VTI1A: variants seen among roughly 807,000 people sequenced by gnomAD.
VTI1A encodes the protein vesicle transport through interaction with t-SNAREs homolog 1A.
VTI1A carries 22 observed loss-of-function variants against 34.9 expected under a neutral mutation model. That is an observed-to-expected ratio of 0.63 (90% confidence interval 0.45 to 0.90). VTI1A has a LOEUF of 0.90. VTI1A is among the 40% of genes least tolerant of loss of function. VTI1A has a pLI of 0.00. For missense variants in VTI1A, 268 were observed against 275.6 expected (o/e 0.97, Z 0.20); for synonymous variants, 87 against 97.3 (o/e 0.89, Z 0.62).
At chr10:112,605,494 C>T (rs1845044556) in intron 5 of VTI1A, among the ~76,000 whole-genome samples, 1 of 152,174 alleles carries the variant, frequency 6.6e-6, no homozygotes, top group Non-Finnish European at 1.5e-5. Flanking sequence ...GTGCTGCTTT[C>T]AATTCCATGG....
chr10:112,830,791 C>G, the VTI1A span, among the ~76,000 whole-genome samples: 1 of 135,060 alleles, frequency 7.4e-6, no homozygotes, highest in Non-Finnish European at 1.6e-5. Flanking sequence ...CATTTTCCCC[C>G]AGCTCCATGT....
At chr10:112,743,642 G>T (rs566397583) in intron 7 of VTI1A, among the ~76,000 whole-genome samples, 1 of 152,266 alleles carries the variant, frequency 6.6e-6, no homozygotes, top group African/African-American at 2.4e-5. Flanking sequence ...TGGAAGGTTG[G>T]AGTCTCCTGA....
intron 7 of VTI1A, among the ~76,000 whole-genome samples, chr10:112,810,255 T>G (rs1011500642): frequency 3.3e-5 from 5 of 151,638 alleles, no homozygotes; most frequent in Non-Finnish European, 4.4e-5. Flanking sequence ...ATACAAAAAT[T>G]AGCTGGACAT....
chr10:112,699,964 C>T (rs879854155), intron 7 of VTI1A, among the ~76,000 whole-genome samples: 27 of 151,290 alleles, frequency 1.8e-4, no homozygotes, highest in Non-Finnish European at 4.0e-4. Flanking sequence ...ATTAAAAATA[C>T]AAAAATTAGC....
chr10:112,677,068 G>A (rs1848059641), intron 7 of VTI1A, among the ~76,000 whole-genome samples: 1 of 152,152 alleles, frequency 6.6e-6, no homozygotes, highest in African/African-American at 2.4e-5. Context: ...ATTGGTTCTG[G>A]TTAGGTAAAA....
intron 5 of VTI1A, among the ~76,000 whole-genome samples, chr10:112,638,833 T>G (rs1331025517): frequency 2.6e-5 from 4 of 151,714 alleles, no homozygotes; most frequent in Non-Finnish European, 4.4e-5. Flanking sequence ...TTTTTTTTTT[T>G]TCATTTCTGT....
At chr10:112,682,096 T>G (rs994204278) in intron 7 of VTI1A, among the ~76,000 whole-genome samples, 1 of 152,218 alleles carries the variant, frequency 6.6e-6, no homozygotes, top group African/African-American at 2.4e-5. Context: ...ATATGGATAA[T>G]TTTTAAAGCA....
At chr10:112,713,468 T>C (rs891884021) in intron 7 of VTI1A, among the ~76,000 whole-genome samples, 5 of 138,166 alleles carry the variant, frequency 3.6e-5, no homozygotes, top group African/African-American at 1.3e-4. Context: ...AGGGAGGCAT[T>C]ATTATTTTCT....
At chr10:112,748,005 G>A (rs1196438694) in intron 7 of VTI1A, among the ~76,000 whole-genome samples, 1 of 152,110 alleles carries the variant, frequency 6.6e-6, no homozygotes, top group South Asian at 2.1e-4. Context: ...GGCGACAACA[G>A]GGAGCCTTAG....
intron 5 of VTI1A, among the ~76,000 whole-genome samples, chr10:112,629,452 T>C (rs1473427228): frequency 6.6e-6 from 1 of 152,260 alleles, no homozygotes; most frequent in East Asian, 1.9e-4. Flanking sequence ...GAGGCTTATC[T>C]GGGATTTCCC....
intron 5 of VTI1A, among the ~76,000 whole-genome samples, chr10:112,618,520 TATATAGAG>T (rs1165994416): frequency 4.3e-5 from 2 of 46,196 alleles, no homozygotes; most frequent in African/African-American, 1.1e-4. Context: ...TATATATATA[TATATAGAG>T]AGAGAGAGAG....
At chr10:112,845,989 G>C in the VTI1A span, among the ~76,000 whole-genome samples, 1 of 152,206 alleles carries the variant, frequency 6.6e-6, no homozygotes, top group Non-Finnish European at 1.5e-5. Context: ...CGACACGCCA[G>C]CCTGGGTGAC....
chr10:112,786,589 C>T (rs1309921598), intron 7 of VTI1A, among the ~76,000 whole-genome samples: 1 of 152,170 alleles, frequency 6.6e-6, no homozygotes, highest in Non-Finnish European at 1.5e-5. Flanking sequence ...CATAGATGCT[C>T]TTTATTGAGT....
At chr10:112,838,526 A>T in the VTI1A span, among the ~76,000 whole-genome samples, 1 of 152,222 alleles carries the variant, frequency 6.6e-6, no homozygotes, top group African/African-American at 2.4e-5. Flanking sequence ...TCATGTGTCC[A>T]GTATTTTATT....
intron 5 of VTI1A, among the ~76,000 whole-genome samples, chr10:112,571,363 G>C (rs1041860769): frequency 6.6e-6 from 1 of 152,196 alleles, no homozygotes; most frequent in Non-Finnish European, 1.5e-5. Context: ...GCCTTGGAAA[G>C]CCATCTTGGG....
At chr10:112,806,566 A>G (rs1448941868) in intron 7 of VTI1A, among the ~76,000 whole-genome samples, 1 of 150,736 alleles carries the variant, frequency 6.6e-6, no homozygotes, top group Admixed American at 6.6e-5. Flanking sequence ...GATTACAGGC[A>G]TGAGCCACCG....
chr10:112,747,152 G>A (rs750334716), intron 7 of VTI1A, among the ~76,000 whole-genome samples: 5 of 152,282 alleles, frequency 3.3e-5, no homozygotes, highest in Middle Eastern at 6.8e-3. Context: ...TTCCCTCCTC[G>A]GGACTCCACC....
At chr10:112,583,410 A>G in intron 5 of VTI1A, among the ~76,000 whole-genome samples, 1 of 152,240 alleles carries the variant, frequency 6.6e-6, no homozygotes, top group East Asian at 1.9e-4. Context: ...ATGCGGTTGC[A>G]TTCAGGTCTG....
chr10:112,493,356 C>G (rs975012652), intron 3 of VTI1A, among the ~76,000 whole-genome samples: 1 of 151,822 alleles, frequency 6.6e-6, no homozygotes, highest in African/African-American at 2.4e-5. Context: ...AAGTAGTTTT[C>G]TTTGTTGATT....
Sources: gnomAD v4.1 joint callset for allele counts (sites outside exome capture counted in the v4.1 genomes callset) on GRCh38, gnomAD v4.1.1 for gene constraint, MANE v1.5 for transcripts, NCBI Gene and HGNC (gene_info 2026-07-23, HGNC 2026-07-21) for gene names.